Variants in ADRA1A observed in about 807,000 individuals in gnomAD.
The protein encoded by ADRA1A is alpha-1A adrenergic receptor.
A neutral mutation model predicts 29.6 loss-of-function variants in ADRA1A; 31 were observed. The ratio of observed to expected loss-of-function variants is 1.05; its 90% CI spans 0.79 to 1.41. The LOEUF is 1.41. Ranked by LOEUF, ADRA1A falls within the 40% of genes most tolerant of loss-of-function variation. The pLI, the probability that ADRA1A is intolerant of heterozygous loss-of-function variation, is 0.00. For synonymous variants in ADRA1A, 311 were observed against 254.3 expected, an observed-to-expected ratio of 1.22 and a Z score of -2.12; for missense variants, 619 against 601.1, an observed-to-expected ratio of 1.03 and a Z score of -0.31.
rs553034545 is a variant in ADRA1A, at chr8:26,806,146, T to G, written c.884-35480A>C. The stretch of plus-strand genomic sequence containing the variant: ...ATTCTGTCCTGCCTCTCTTTTCCCC[T>G]TACTCCAAGAATGACCCATTATGGG... On this transcript the variant is annotated intron_variant, in intron 2 of 2. Transcript: ENST00000380573. This position sits in a 1 kb window ranked among gnomAD's most constrained non-coding sequence, Gnocchi z 4.6. 1.1e-4 allele frequency among the ~76,000 whole-genome samples: 17 copies of G among 152,300 alleles called. No homozygotes were observed. The East Asian group carries it at 1.2e-3, about 10-fold the overall frequency.
chr8:26,843,668 T>C (rs1178937263), intron 2 of ADRA1A, among the ~76,000 whole-genome samples: 1 of 152,172 alleles, frequency 6.6e-6, no homozygotes, highest in African/African-American at 2.4e-5. Context: ...AAATGAATAA[T>C]GAGTAATGGG....
intron 2 of ADRA1A, among the ~76,000 whole-genome samples, chr8:26,844,575 A>G (rs899197315): frequency 5.3e-5 from 8 of 152,194 alleles, no homozygotes; most frequent in African/African-American, 1.9e-4. Context: ...AAATGAACTC[A>G]TTTATCTATG....
intron 2 of ADRA1A, among the ~76,000 whole-genome samples, chr8:26,786,755 G>T (rs1440261366): frequency 6.9e-6 from 1 of 145,952 alleles, no homozygotes; most frequent in Admixed American, 6.9e-5. Context: ...GGGGGGGGGG[G>T]TCTCTCATTA....
intron 2 of ADRA1A, among the ~76,000 whole-genome samples, chr8:26,836,770 T>G (rs1459080917): frequency 6.6e-6 from 1 of 152,176 alleles, no homozygotes; most frequent in Non-Finnish European, 1.5e-5. Context: ...TGTGAGAAAT[T>G]TTAAACAAAA....
rs923629167 is a variant in ADRA1A, at chr8:26,777,501, C to T, written c.884-6835G>A. ...CTAATGATAGAATCTAGCTTACCAA[C>T]AGAGCAAGCAGATGTGATTTCGGTG... is the stretch of plus-strand genomic sequence containing the variant. On this transcript the variant is annotated intron_variant, in intron 2 of 2. Transcript: ENST00000380573. Among the ~76,000 whole-genome samples, 4 of 152,322 alleles carry T rather than the reference C, an allele frequency of 2.6e-5. No individual in the cohort carries two copies. In the East Asian group the frequency reaches 7.7e-4, roughly 29 times the overall value.
rs746973412 is a variant in ADRA1A, at chr8:26,860,473, C to T, written c.883+3614G>A. 3.9e-5 allele frequency among the ~76,000 whole-genome samples: 6 copies of T among 152,114 alleles called. No homozygotes were observed. The highest frequency in any genetic ancestry group is 7.4e-5 in the Non-Finnish European group (5 of 68,024). On this transcript the variant is annotated intron_variant, in intron 2 of 2. Coordinates refer to ENST00000380573, the MANE Select transcript of ADRA1A (RefSeq NM_000680.4). This position sits in a 1 kb window ranked among gnomAD's most constrained non-coding sequence, Gnocchi z 4.7. ...GAGAAAAACACACAACCCTCCTTCC[C>T]GCTGTACTTTAATGTTATGACCGTA...
chr8:26,810,674 T>G (rs1809316402), intron 2 of ADRA1A, among the ~76,000 whole-genome samples: 1 of 152,156 alleles, frequency 6.6e-6, no homozygotes, highest in South Asian at 2.1e-4. Flanking sequence ...GCACAGGACT[T>G]TAGAGGAGAC....
At position 26,826,541 on chromosome 8, in the gene ADRA1A, A is replaced by C. The variant is rs112118679; in HGVS notation, c.883+37546T>G. Among the ~76,000 whole-genome samples the C allele has an allele frequency of 5.1e-3, 770 of 152,288 alleles. 5 individuals carry two copies. The highest frequency in any genetic ancestry group is 0.018 in the African/African-American group (730 of 41,560). Reference sequence around the variant, plus strand: ...CCAAAAAGTCTATTTTGTTATCTTGATTTTAAAGAAATAGAAACATTTCCA... The same window carrying C: ...CCAAAAAGTCTATTTTGTTATCTTGCTTTTAAAGAAATAGAAACATTTCCA... On this transcript the variant is annotated intron_variant, in intron 2 of 2. Coordinates refer to ENST00000380573, the MANE Select transcript of ADRA1A (RefSeq NM_000680.4).
chr8:26,804,321 A>G (rs1049473017), intron 2 of ADRA1A, among the ~76,000 whole-genome samples: 5 of 152,280 alleles, frequency 3.3e-5, no homozygotes, highest in East Asian at 1.9e-4. Flanking sequence ...ATGAGTGTTC[A>G]AAGAGGCTTT....
chr8:26,765,375 C>G (rs1197545230), downstream of ADRA1A, among the ~76,000 whole-genome samples: 1 of 152,244 alleles, frequency 6.6e-6, no homozygotes, highest in Non-Finnish European at 1.5e-5. Flanking sequence ...CCTAGCCCCA[C>G]AGTGATCATC....
At chr8:26,788,347 G>A (rs1186448073) in intron 2 of ADRA1A, among the ~76,000 whole-genome samples, 1 of 152,000 alleles carries the variant, frequency 6.6e-6, no homozygotes, top group Non-Finnish European at 1.5e-5. Context: ...ATGGATACCT[G>A]GGCTTTCTAT....
At chr8:26,751,242 A>T (rs1804916023) in intron 2 of ADRA1A, among the ~76,000 whole-genome samples, 1 of 152,226 alleles carries the variant, frequency 6.6e-6, no homozygotes, top group African/African-American at 2.4e-5. Context: ...CCATGTGCAG[A>T]TGTAATTCTG....
intron 2 of ADRA1A, among the ~76,000 whole-genome samples, chr8:26,818,727 T>A (rs1391310159): frequency 6.6e-6 from 1 of 151,868 alleles, no homozygotes; most frequent in African/African-American, 2.4e-5. Flanking sequence ...GCAGACTTGA[T>A]CAAGGAGAAG....
At chr8:26,842,603 T>C (rs1811901617) in intron 2 of ADRA1A, among the ~76,000 whole-genome samples, 1 of 152,126 alleles carries the variant, frequency 6.6e-6, no homozygotes, top group African/African-American at 2.4e-5. Flanking sequence ...CCTGAATCTC[T>C]CACTTCAACA....
rs1048058150 is a variant in ADRA1A at position 26,825,268 on chromosome 8, C to T, written c.883+38819G>A. ...TCATAGAGATATCTTCACTCTCTAG[C>T]TTGTTTTCTTCTTTCTGATTGTAGC... is the stretch of plus-strand genomic sequence containing the variant. On this transcript the variant is annotated intron_variant, in intron 2 of 2. Coordinates refer to ENST00000380573, the MANE Select transcript of ADRA1A (RefSeq NM_000680.4). This position sits in a 1 kb window ranked among gnomAD's most constrained non-coding sequence, Gnocchi z 5.7. 2.0e-5 allele frequency among the ~76,000 whole-genome samples: 3 copies of T among 152,028 alleles called. No homozygotes were observed. The highest frequency in any genetic ancestry group is 4.4e-5 in the Non-Finnish European group (3 of 68,032).
At chr8:26,850,368 G>T (rs1440786488) in intron 2 of ADRA1A, among the ~76,000 whole-genome samples, 6 of 152,134 alleles carry the variant, frequency 3.9e-5, no homozygotes, top group Non-Finnish European at 8.8e-5. Flanking sequence ...AGAGTATTTT[G>T]AAATGCAAAA....
At chr8:26,771,249 G>C (rs1411581554) in intron 2 of ADRA1A, among the ~76,000 whole-genome samples, 1 of 152,170 alleles carries the variant, frequency 6.6e-6, no homozygotes, top group African/African-American at 2.4e-5. Flanking sequence ...GTCTTTTGAT[G>C]TCACCGTTAG....
chr8:26,779,499 A>G, intron 2 of ADRA1A: 2 of 637,888 alleles, frequency 3.1e-6, no homozygotes, highest in Non-Finnish European at 5.6e-6. Context: ...AGATGCTTCT[A>G]GGCAAATGGA....
chr8:26,865,878 T>G lies in ADRA1A; in HGVS notation c.-686-223A>C, dbSNP rs992636701. On this transcript the variant is annotated intron_variant, in intron 1 of 2. Coordinates refer to ENST00000380573, the MANE Select transcript of ADRA1A (RefSeq NM_000680.4). The surrounding 1 kb of genome is among the most constrained non-coding windows in gnomAD (Gnocchi z 7.6). ...TCTACTGAGTCACCTCTGCCCGAGT[T>G]CAGGATCCGAAGCGAAAAACAAACA... is the stretch of plus-strand genomic sequence containing the variant. Among the ~76,000 whole-genome samples, 1 of 150,188 alleles carries G rather than the reference T, an allele frequency of 6.7e-6. No individual in the cohort carries two copies. The highest frequency in any genetic ancestry group is 1.5e-5 in the Non-Finnish European group (1 of 67,468).
Sources: allele counts gnomAD v4.1 joint callset (sites outside exome capture counted in the v4.1 genomes callset), GRCh38; gene constraint gnomAD v4.1.1; non-coding constraint Gnocchi (gnomAD v3.1); transcripts MANE v1.5; gene names NCBI Gene and HGNC (gene_info 2026-07-23, HGNC 2026-07-21).